The following MGAT5 variants were observed in gnomAD, a reference collection of about 807,000 sequenced individuals.
The protein encoded by MGAT5 is alpha-1,6-mannosylglycoprotein 6-beta-N-acetylglucosaminyltransferase A.
Under a neutral mutation model 94.3 loss-of-function variants are expected in MGAT5, and 30 were observed. The observed-to-expected ratio is 0.32, with a 90% CI of 0.24 to 0.43. MGAT5 has a LOEUF of 0.43. MGAT5 is among the 20% of genes least tolerant of loss of function. The probability of loss-of-function intolerance (pLI) is 1.00; values close to 1 mark genes in which losing one functional copy is unlikely to be tolerated. For synonymous variants in MGAT5, 310 were observed against 322.9 expected, an observed-to-expected ratio of 0.96 and a Z score of 0.43; for missense variants, 691 against 905.5, an observed-to-expected ratio of 0.76 and a Z score of 3.04.
intron 1 of MGAT5, among the ~76,000 whole-genome samples, chr2:134,224,971 T>G (rs917811608): frequency 6.6e-6 from 1 of 151,008 alleles, no homozygotes. Flanking sequence ...TCCCAGCTAC[T>G]TGGGAGGCTG....
intron 10 of MGAT5, among the ~76,000 whole-genome samples, chr2:134,390,185 A>C (rs1682313331): frequency 6.6e-6 from 1 of 152,234 alleles, no homozygotes; most frequent in South Asian, 2.1e-4. Context: ...TTACACTGTA[A>C]AGAAACACAT....
chr2:134,144,409 C>T lies in MGAT5; in HGVS notation c.-143+24118C>T, dbSNP rs147638409. ...CAACAATATCTCACAATAACTTACTCACTGTCAGGAGAATAGCACCTAGGG... is the reference window on the plus strand; with the variant it reads ...CAACAATATCTCACAATAACTTACTTACTGTCAGGAGAATAGCACCTAGGG... On this transcript the variant is annotated intron_variant, in intron 1 of 16. Transcript: ENST00000409645. Among the ~76,000 whole-genome samples the T allele has an allele frequency of 1.6e-3, 251 of 152,222 alleles. 3 individuals are homozygous for T. The highest frequency in any genetic ancestry group is 5.7e-3 in the African/African-American group (238 of 41,508).
chr2:134,148,116 GT>G (rs1436625009), intron 1 of MGAT5, among the ~76,000 whole-genome samples: 1 of 151,994 alleles, frequency 6.6e-6, no homozygotes, highest in East Asian at 1.9e-4. Context: ...TGTTTGCCTT[GT>G]AATCTTTGGT....
At chr2:134,124,546 G>A (rs1421861470) in intron 1 of MGAT5, among the ~76,000 whole-genome samples, 1 of 152,168 alleles carries the variant, frequency 6.6e-6, no homozygotes, top group Non-Finnish European at 1.5e-5. Flanking sequence ...GGTTTGGTGG[G>A]AGCAGTTTGT....
At chr2:134,443,184 TTTGTTGTTGTTG>T (rs143511892) in intron 15 of MGAT5, among the ~76,000 whole-genome samples, 1 of 150,412 alleles carries the variant, frequency 6.6e-6, no homozygotes, top group African/African-American at 2.5e-5. Flanking sequence ...TATGTTTTTT[TTTGTTGTTGTTG>T]TTGTTGTTTT....
chr2:134,189,602 G>GTTTTTTTTTTTTTTTTTTTTTTTT lies in MGAT5; in HGVS notation c.-142-64642_-142-64641insTTTTTTTTTTTTTTTTTTTTTTTT, dbSNP rs912983981. ...AACCTCATGGCTCTAGTTTTTTTTT[G>GTTTTTTTTTTTTTTTTTTTTTTTT]TTTTTTTTTTTTTTTTTTAAGACAG... On this transcript the variant is annotated intron_variant, in intron 1 of 16. Transcript: ENST00000409645. Among the ~76,000 whole-genome samples, 45 of 84,646 alleles carry GTTTTTTTTTTTTTTTTTTTTTTTT rather than the reference G, an allele frequency of 5.3e-4. 2 individuals are homozygous for GTTTTTTTTTTTTTTTTTTTTTTTT. Among genetic ancestry groups the GTTTTTTTTTTTTTTTTTTTTTTTT allele is most frequent in the South Asian group, 8.4e-4 (2 of 2,378 alleles). The allele number at this position is 84,646 out of a possible 152,430, so 55.5% of individuals were successfully genotyped here. A position where few individuals can be genotyped will look rare whatever the true frequency, so the allele number is the denominator to read the frequency against.
chr2:134,194,452 C>T (rs1037496290), intron 1 of MGAT5, among the ~76,000 whole-genome samples: 5 of 152,074 alleles, frequency 3.3e-5, no homozygotes, highest in African/African-American at 1.2e-4. Flanking sequence ...CAACCTTGGA[C>T]AGTTACAAGG....
At chr2:134,234,129 T>G (rs1681511142) in intron 1 of MGAT5, among the ~76,000 whole-genome samples, 1 of 152,296 alleles carries the variant, frequency 6.6e-6, no homozygotes, top group South Asian at 2.1e-4. Flanking sequence ...GTTGCTCATG[T>G]GTTTCATTTT....
chr2:134,284,751 G>C (rs890203119), intron 2 of MGAT5, among the ~76,000 whole-genome samples: 4 of 152,198 alleles, frequency 2.6e-5, no homozygotes, highest in Non-Finnish European at 5.9e-5. Context: ...CAAAATGGTG[G>C]CAGTCTGAGC....
chr2:134,220,425 G>C (rs78623357), intron 1 of MGAT5, among the ~76,000 whole-genome samples: 1,753 of 152,238 alleles, frequency 0.012, 33 homozygotes, highest in African/African-American at 0.041. Context: ...ATGGAAAGGA[G>C]CAGGATGGCC....
intron 1 of MGAT5, among the ~76,000 whole-genome samples, chr2:134,123,427 A>G (rs908035968): frequency 4.6e-5 from 7 of 152,206 alleles, no homozygotes; most frequent in Non-Finnish European, 7.4e-5. Context: ...CATCTGTAAG[A>G]TCTGGGTTGG....
chr2:134,160,237 A>C (rs974611417), intron 1 of MGAT5, among the ~76,000 whole-genome samples: 2 of 152,104 alleles, frequency 1.3e-5, no homozygotes, highest in African/African-American at 4.8e-5. Flanking sequence ...GCAGTGGCGC[A>C]ATCTCGGCTC....
At chr2:134,330,591 GC>G (rs1338457868) in intron 4 of MGAT5, among the ~76,000 whole-genome samples, 1 of 150,464 alleles carries the variant, frequency 6.6e-6, no homozygotes, top group Non-Finnish European at 1.5e-5. Context: ...GTGTTACGAA[GC>G]CCAACATATT....
intron 1 of MGAT5, among the ~76,000 whole-genome samples, chr2:134,267,298 T>C (rs533342501): frequency 3.3e-5 from 5 of 152,350 alleles, no homozygotes; most frequent in African/African-American, 1.2e-4. Flanking sequence ...TGCTAAGTTA[T>C]TTAGCCTCTC....
At chr2:134,149,085 G>A (rs911794373) in intron 1 of MGAT5, among the ~76,000 whole-genome samples, 2 of 152,012 alleles carry the variant, frequency 1.3e-5, no homozygotes, top group Admixed American at 1.3e-4. Context: ...GATTTGCCTG[G>A]GGAGCTTTAT....
At chr2:134,237,342 G>T (rs1243732803) in intron 1 of MGAT5, among the ~76,000 whole-genome samples, 1 of 152,218 alleles carries the variant, frequency 6.6e-6, no homozygotes, top group Non-Finnish European at 1.5e-5. Flanking sequence ...TCCTAGCAGA[G>T]ATGCTCCACT....
chr2:134,369,758 A>C (rs1000823484), intron 10 of MGAT5, among the ~76,000 whole-genome samples: 1 of 26,868 alleles, frequency 3.7e-5, no homozygotes, highest in Non-Finnish European at 9.7e-5. Context: ...TGTGTGTGTG[A>C]ATGACAGACT....
intron 9 of MGAT5, among the ~76,000 whole-genome samples, chr2:134,351,279 A>C (rs1198020498): frequency 6.6e-6 from 1 of 152,192 alleles, no homozygotes; most frequent in Non-Finnish European, 1.5e-5. Flanking sequence ...GAGGATGCTC[A>C]GAGTTTGCCT....
At chr2:134,307,424 T>G (rs1379013250) in intron 2 of MGAT5, among the ~76,000 whole-genome samples, 1 of 152,180 alleles carries the variant, frequency 6.6e-6, no homozygotes. Flanking sequence ...CCTTTTCCTC[T>G]GGATGTCACC....
Sources: allele counts gnomAD v4.1 joint callset (sites outside exome capture counted in the v4.1 genomes callset), GRCh38; gene constraint gnomAD v4.1.1; transcripts MANE v1.5; gene names NCBI Gene and HGNC (gene_info 2026-07-23, HGNC 2026-07-21).